Variants in MYT1L observed in about 807,000 individuals in gnomAD.
MYT1L encodes myelin transcription factor 1-like protein.
Under a neutral mutation model 126.7 loss-of-function variants are expected in MYT1L, and 12 were observed. The observed-to-expected ratio is 0.09, with a 90% CI of 0.06 to 0.15. The LOEUF (loss-of-function observed/expected upper bound fraction) is 0.15. Ranked by LOEUF, MYT1L falls within the 10% of genes least tolerant of loss-of-function variation. The pLI, the probability that MYT1L is intolerant of heterozygous loss-of-function variation, is 1.00. For missense variants in MYT1L, 979 were observed against 1,585.2 expected (o/e 0.62, Z 6.49); for synonymous variants, 541 against 604.2 (o/e 0.90, Z 1.53).
At chr2:1,908,751 T>C (rs1468129988) in intron 13 of MYT1L, among the ~76,000 whole-genome samples, 1 of 152,078 alleles carries the variant, frequency 6.6e-6, no homozygotes, top group Admixed American at 6.5e-5. Flanking sequence ...AGTTGTTCAG[T>C]GTTTGGTCTT....
intron 2 of MYT1L, among the ~76,000 whole-genome samples, chr2:2,261,152 TG>T (rs1347343529): frequency 1.3e-5 from 2 of 151,968 alleles, no homozygotes; most frequent in Non-Finnish European, 2.9e-5. Flanking sequence ...CGTGTGTGTG[TG>T]TGTGTGTGTG....
intron 18 of MYT1L, among the ~76,000 whole-genome samples, chr2:1,856,658 C>T (rs947173731): frequency 6.6e-6 from 1 of 152,138 alleles, no homozygotes; most frequent in African/African-American, 2.4e-5. Context: ...TGAAAGTGCT[C>T]CCTCTAGGGT....
intron 3 of MYT1L, among the ~76,000 whole-genome samples, chr2:2,123,938 C>G (rs1051250711): frequency 6.6e-6 from 1 of 152,188 alleles, no homozygotes; most frequent in Admixed American, 6.5e-5. Flanking sequence ...CTGGGAAGTA[C>G]AGGGAACAGC....
chr2:2,031,092 C>A (rs2066187050), intron 4 of MYT1L, among the ~76,000 whole-genome samples: 1 of 152,236 alleles, frequency 6.6e-6, no homozygotes, highest in Admixed American at 6.5e-5. Flanking sequence ...AGCAAAACAA[C>A]TCTTTAACTT....
chr2:2,257,340 T>C lies in MYT1L; in HGVS notation c.-421+27064A>G, dbSNP rs553373906. ...ACGGTTTTCTCTATCGATGATGTCT[T>C]AATGCCCTGGGATTGTTTTTCCAGG... On this transcript the variant is annotated intron_variant, in intron 2 of 24. Transcript: ENST00000647738. Among the ~76,000 whole-genome samples, 4 of 152,314 alleles carry C rather than the reference T, an allele frequency of 2.6e-5. No individual in the cohort carries two copies. In the South Asian group the frequency reaches 8.3e-4, roughly 32 times the overall value.
chr2:1,973,923 G>C (rs1574127226), intron 8 of MYT1L, among the ~76,000 whole-genome samples: 1 of 152,324 alleles, frequency 6.6e-6, no homozygotes, highest in East Asian at 1.9e-4. Context: ...GGCCTTCCCA[G>C]CCAGCAAACT....
At chr2:1,905,727 A>G (rs1412609664) in intron 13 of MYT1L, among the ~76,000 whole-genome samples, 1 of 152,232 alleles carries the variant, frequency 6.6e-6, no homozygotes, top group Non-Finnish European at 1.5e-5. Context: ...TATTGCCTGT[A>G]CCTCTAGCAC....
At chr2:1,882,716 CG>C (rs561113701) in intron 18 of MYT1L, among the ~76,000 whole-genome samples, 53 of 152,246 alleles carry the variant, frequency 3.5e-4, no homozygotes, top group African/African-American at 1.2e-3. Context: ...TTCCTGCACC[CG>C]AACAATGGAA....
At chr2:2,032,910 AAGGAGGGCC>A (rs2149944597) in intron 4 of MYT1L, among the ~76,000 whole-genome samples, 1 of 142,434 alleles carries the variant, frequency 7.0e-6, no homozygotes, top group Non-Finnish European at 1.5e-5. Flanking sequence ...CAGATTCTAG[AAGGAGGGCC>A]TTATACACAC....
chr2:2,196,857 A>G (rs989335507), intron 2 of MYT1L, among the ~76,000 whole-genome samples: 7 of 152,120 alleles, frequency 4.6e-5, no homozygotes, highest in Non-Finnish European at 1.0e-4. Context: ...ACCCATTAAT[A>G]ATTACATTGA....
intron 8 of MYT1L, among the ~76,000 whole-genome samples, chr2:1,967,429 C>T (rs1008628168): frequency 3.3e-5 from 5 of 152,170 alleles, no homozygotes; most frequent in Non-Finnish European, 7.3e-5. Context: ...GGAGACGGCC[C>T]GGGGTGAACG....
chr2:2,251,595 A>AT (rs1363536585), intron 2 of MYT1L, among the ~76,000 whole-genome samples: 3 of 152,206 alleles, frequency 2.0e-5, no homozygotes, highest in African/African-American at 7.2e-5. Flanking sequence ...GAGGAAGTAC[A>AT]TAAGCCAGCA....
intron 14 of MYT1L, among the ~76,000 whole-genome samples, chr2:1,898,590 T>C (rs1440613525): frequency 6.6e-6 from 1 of 152,186 alleles, no homozygotes. Flanking sequence ...GCCTGTGACC[T>C]AGCAGGAGCT....
intron 9 of MYT1L, among the ~76,000 whole-genome samples, chr2:1,933,974 T>G (rs1044437357): frequency 7.0e-6 from 1 of 143,862 alleles, no homozygotes; most frequent in African/African-American, 2.6e-5. Flanking sequence ...TTTTGATTTT[T>G]TTTTTTTTTT....
In MYT1L at chr2:1,922,899, C is replaced by A. The variant is rs369668763; in HGVS notation, c.870G>T (p.Ser290=). 10 of 1,613,998 alleles carry A rather than the reference C, an allele frequency of 6.2e-6. No homozygotes were observed. Among genetic ancestry groups the A allele is most frequent in the Non-Finnish European group, 6.8e-6 (8 of 1,179,892 alleles). The change falls in exon 10 of 25, where the codon TCG becomes TCT. Residue 290 remains serine (S), a synonymous_variant. Coordinates refer to ENST00000647738, the MANE Select transcript of MYT1L (RefSeq NM_001303052.2). The surrounding 1 kb of genome is among the most constrained non-coding windows in gnomAD (Gnocchi z 7.4). ...AATTCATATTTCTACTGTCTTGCTG[C>A]GACATGCTGTCTGCATAATTTCTGT... ...MNDRNYADSM[S]QQDSRNMNYV... is the part of the protein sequence containing the mutation.
At chr2:2,058,147 C>T (rs1261840372) in intron 3 of MYT1L, among the ~76,000 whole-genome samples, 1 of 152,218 alleles carries the variant, frequency 6.6e-6, no homozygotes, top group Non-Finnish European at 1.5e-5. Flanking sequence ...TATGTAGTGA[C>T]AGCTCATCAT....
At chr2:1,892,422 C>G (rs999797748) in intron 14 of MYT1L, 135 bp from the exon 15 acceptor site, 14 of 1,211,600 alleles carry the variant, frequency 1.2e-5, no homozygotes, top group African/African-American at 1.6e-5. Context: ...CTGGGGCTTA[C>G]GCGTAAAGAA....
intron 18 of MYT1L, among the ~76,000 whole-genome samples, chr2:1,869,610 A>C (rs2046026373): frequency 6.6e-6 from 1 of 152,230 alleles, no homozygotes; most frequent in Admixed American, 6.5e-5. Context: ...TGAGGCAGGC[A>C]GGACTTCATG....
In MYT1L at chr2:2,224,082, A is replaced by G. The variant is rs2093951347; in HGVS notation, c.-420-51094T>C. 6.6e-6 allele frequency among the ~76,000 whole-genome samples: 1 copy of G among 152,226 alleles called. No homozygotes were observed. Among genetic ancestry groups the G allele is most frequent in the African/African-American group, 2.4e-5 (1 of 41,450 alleles). ...AGGCTCATCTAAGCATCTGAAAGAC[A>G]AAATAATGAATTGGTGGGGAGTTAT... On this transcript the variant is annotated intron_variant, in intron 2 of 24. Coordinates refer to ENST00000647738, the MANE Select transcript of MYT1L (RefSeq NM_001303052.2). The surrounding 1 kb of genome is among the most constrained non-coding windows in gnomAD (Gnocchi z 4.0).
Sources: allele counts gnomAD v4.1 joint callset (sites outside exome capture counted in the v4.1 genomes callset), GRCh38; gene constraint gnomAD v4.1.1; non-coding constraint Gnocchi (gnomAD v3.1); transcripts MANE v1.5; gene names NCBI Gene and HGNC (gene_info 2026-07-23, HGNC 2026-07-21).